The following NPY2R variants were observed in gnomAD, a reference collection of about 807,000 sequenced individuals.
NPY2R encodes neuropeptide Y receptor Y2.
NPY2R carries 17 observed loss-of-function variants against 22.3 expected under a neutral mutation model. The observed-to-expected ratio is 0.76, with a 90% CI of 0.52 to 1.14. NPY2R has a LOEUF of 1.14. NPY2R is among the 50% of genes most tolerant of loss of function. The pLI is 0.00. For synonymous variants in NPY2R, 209 were observed against 183.4 expected (o/e 1.14, Z -1.13); for missense variants, 424 against 467.9 (o/e 0.91, Z 0.87).
At position 155,214,191 on chromosome 4, in the gene NPY2R, A is replaced by T. The variant is rs1729461728; in HGVS notation, c.252A>T (p.Val84=). The change falls in exon 2 of 2, where the codon GTA becomes GTT. Residue 84 remains valine (V), a synonymous_variant. Transcript: ENST00000329476. ...VVIKFKSMRT[V]TNFFIANLAV... ...TCAAATTCAAGAGCATGCGCACAGT[A>T]ACCAACTTTTTCATTGCCAATCTGG... The T allele has an allele frequency of 6.2e-7, 1 of 1,614,128 alleles. No individual in the cohort carries two copies. Among genetic ancestry groups the T allele is most frequent in the Non-Finnish European group, 8.5e-7 (1 of 1,179,986 alleles).
the NPY2R span, among the ~76,000 whole-genome samples, chr4:155,199,647 T>C: frequency 3.3e-5 from 5 of 152,148 alleles, no homozygotes; most frequent in African/African-American, 9.7e-5. Context: ...CAAAATAGCA[T>C]GGTACTTGTA....
At chr4:155,190,595 T>G in the NPY2R span, among the ~76,000 whole-genome samples, 1 of 152,106 alleles carries the variant, frequency 6.6e-6, no homozygotes, top group Non-Finnish European at 1.5e-5. Flanking sequence ...TTAAATTAAA[T>G]ACTTGAAATG....
At chr4:155,201,973 G>A in the NPY2R span, among the ~76,000 whole-genome samples, 4 of 152,054 alleles carry the variant, frequency 2.6e-5, no homozygotes, top group Non-Finnish European at 4.4e-5. Flanking sequence ...TTGTTGTGCC[G>A]GTTCCCTTTA....
upstream of NPY2R, among the ~76,000 whole-genome samples, chr4:155,205,064 T>C (rs1163529342): frequency 6.6e-6 from 1 of 152,202 alleles, no homozygotes; most frequent in Non-Finnish European, 1.5e-5. Flanking sequence ...AGTGGACCTG[T>C]GCAGTTCAAA....
At chr4:155,177,845 A>C in the NPY2R span, among the ~76,000 whole-genome samples, 1 of 152,022 alleles carries the variant, frequency 6.6e-6, no homozygotes, top group African/African-American at 2.4e-5. Context: ...TGCTTGAGCC[A>C]CCACACCAAA....
the NPY2R span, among the ~76,000 whole-genome samples, chr4:155,185,724 AG>A: frequency 6.6e-6 from 1 of 151,766 alleles, no homozygotes; most frequent in African/African-American, 2.4e-5. Context: ...AAATCAAACA[AG>A]TTGTTGAAAG....
At chr4:155,179,521 A>G in the NPY2R span, among the ~76,000 whole-genome samples, 1 of 152,118 alleles carries the variant, frequency 6.6e-6, no homozygotes, top group Non-Finnish European at 1.5e-5. Flanking sequence ...GATATGAGCA[A>G]TTTAGGATCT....
the NPY2R span, among the ~76,000 whole-genome samples, chr4:155,199,454 A>G: frequency 6.5e-3 from 988 of 152,246 alleles, 33 homozygotes; most frequent in Admixed American, 0.05. Flanking sequence ...AGTAATTTAT[A>G]GATTCGATGC....
At chr4:155,190,858 T>G in the NPY2R span, among the ~76,000 whole-genome samples, 1 of 151,908 alleles carries the variant, frequency 6.6e-6, no homozygotes, top group Non-Finnish European at 1.5e-5. Flanking sequence ...TTGGTAGTTT[T>G]TCTATGTTGG....
At chr4:155,185,550 G>A in the NPY2R span, among the ~76,000 whole-genome samples, 1 of 151,736 alleles carries the variant, frequency 6.6e-6, no homozygotes. Context: ...TAGTAATTAA[G>A]AAATATGGAG....
the NPY2R span, among the ~76,000 whole-genome samples, chr4:155,199,642 T>C: frequency 6.6e-6 from 1 of 151,900 alleles, no homozygotes; most frequent in Admixed American, 6.6e-5. Context: ...GCAACCAAAA[T>C]AGCATGGTAC....
upstream of NPY2R, among the ~76,000 whole-genome samples, chr4:155,204,184 CT>C (rs570797505): frequency 1.7e-4 from 26 of 151,076 alleles, no homozygotes; most frequent in Non-Finnish European, 2.9e-4. Context: ...TCAGGGACCG[CT>C]GATATTAAGG....
the NPY2R span, among the ~76,000 whole-genome samples, chr4:155,181,530 T>G: frequency 1.3e-5 from 2 of 152,096 alleles, no homozygotes; most frequent in African/African-American, 4.8e-5. Flanking sequence ...AACCCTACCT[T>G]TAAAGGTGAT....
At chr4:155,199,718 C>T in the NPY2R span, among the ~76,000 whole-genome samples, 4 of 152,038 alleles carry the variant, frequency 2.6e-5, no homozygotes, top group African/African-American at 9.7e-5. Flanking sequence ...CACCACAAAT[C>T]TGCAACCATC....
chr4:155,209,861 C>A (rs1446308865), intron 1 of NPY2R, among the ~76,000 whole-genome samples: 6 of 151,974 alleles, frequency 3.9e-5, no homozygotes, highest in Non-Finnish European at 7.4e-5. Flanking sequence ...TGCAAAAAGC[C>A]CCCACAGATT....
chr4:155,181,580 T>C, the NPY2R span, among the ~76,000 whole-genome samples: 9 of 152,132 alleles, frequency 5.9e-5, no homozygotes, highest in African/African-American at 2.2e-4. Flanking sequence ...GATTAGATCA[T>C]AAATGGGATT....
the NPY2R span, among the ~76,000 whole-genome samples, chr4:155,194,456 G>A: frequency 6.6e-6 from 1 of 151,968 alleles, no homozygotes; most frequent in East Asian, 1.9e-4. Context: ...GTGTCCATGT[G>A]TACTCAATGC....
At chr4:155,186,141 T>C in the NPY2R span, among the ~76,000 whole-genome samples, 71,068 of 151,902 alleles carry the variant, frequency 0.47, 17,333 homozygotes, top group East Asian at 0.69. Context: ...TATTTATTAG[T>C]TAGACTTAAT....
At chr4:155,182,763 C>T in the NPY2R span, among the ~76,000 whole-genome samples, 1 of 152,062 alleles carries the variant, frequency 6.6e-6, no homozygotes, top group African/African-American at 2.4e-5. Flanking sequence ...TCAACCCAAG[C>T]TCTCTGTCAT....
Sources: gnomAD v4.1 joint callset for allele counts (sites outside exome capture counted in the v4.1 genomes callset) on GRCh38, gnomAD v4.1.1 for gene constraint, MANE v1.5 for transcripts, NCBI Gene and HGNC (gene_info 2026-07-23, HGNC 2026-07-21) for gene names.